SSUH2: variants seen among roughly 807,000 people sequenced by gnomAD.
SSUH2 encodes protein SSUH2 homolog.
A neutral mutation model predicts 55.3 loss-of-function variants in SSUH2; 47 were observed. The observed-to-expected ratio is 0.85, with a 90% CI of 0.67 to 1.08. SSUH2 has a LOEUF of 1.08. SSUH2 is among the 50% of genes least tolerant of loss of function. The probability of loss-of-function intolerance (pLI) is 0.00; values close to 1 mark genes in which losing one functional copy is unlikely to be tolerated. For synonymous variants in SSUH2, 212 were observed against 191.5 expected (o/e 1.11, Z -0.89); for missense variants, 535 against 490.7 (o/e 1.09, Z -0.85).
chr3:8,626,284 C>CG lies in SSUH2; in HGVS notation c.711dup (p.Ala238ArgfsTer25). 5 of 1,614,112 alleles carry CG rather than the reference C, an allele frequency of 3.1e-6. No homozygotes were observed. Among genetic ancestry groups the CG allele is most frequent in the Non-Finnish European group, 4.2e-6 (5 of 1,180,002 alleles). ...AGCTTCTTCTCCCCCTTGCAGGTGG[C>CG]GCAGGTCTTGTTCCCTCTCCCTGAG... On this transcript the variant is annotated frameshift_variant, in exon 9 of 12. Transcript: ENST00000544814. LOFTEE classifies it high-confidence loss of function.
At chr3:8,653,555 A>G (rs1245486728) in intron 7 of SSUH2, among the ~76,000 whole-genome samples, 1 of 152,212 alleles carries the variant, frequency 6.6e-6, no homozygotes, top group Admixed American at 6.5e-5. Flanking sequence ...TACCTTGTTC[A>G]TTTTATTGTT....
chr3:8,668,492 C>CT (rs527328538), intron 5 of SSUH2, among the ~76,000 whole-genome samples: 3 of 152,094 alleles, frequency 2.0e-5, no homozygotes, highest in African/African-American at 4.8e-5. Context: ...CATTATTTCT[C>CT]TTTTTTTTCC....
At chr3:8,634,577 A>G in intron 3 of SSUH2, 1 of 1,289,794 alleles carries the variant, frequency 7.8e-7, no homozygotes, top group African/African-American at 1.5e-5. Flanking sequence ...AGATCCATGG[A>G]TGGCAGCACA....
At chr3:8,667,936 G>A (rs1704138678) in intron 5 of SSUH2, among the ~76,000 whole-genome samples, 2 of 152,062 alleles carry the variant, frequency 1.3e-5, no homozygotes, top group South Asian at 2.1e-4. Context: ...CACCCACGGA[G>A]GGAGCTGGAT....
Position 8,631,774 on chromosome 3 carries a change from C to T in SSUH2, c.400+275G>A, listed in dbSNP as rs115343445. On this transcript the variant is annotated intron_variant, in intron 5 of 11. Coordinates refer to ENST00000544814, the MANE Select transcript of SSUH2 (RefSeq NM_001256748.3). ...TAGACACGCATGCTGCTTTACAGCC[C>T]GGCCCCGTGTGGCAGCACCAGACTG... is the stretch of plus-strand genomic sequence containing the variant. 1.5e-3 allele frequency among the ~76,000 whole-genome samples: 228 copies of T among 152,016 alleles called. 1 individual carries two copies. Among genetic ancestry groups the T allele is most frequent in the African/African-American group, 5.1e-3 (210 of 41,432 alleles).
intron 3 of SSUH2, among the ~76,000 whole-genome samples, chr3:8,672,943 C>A (rs572617015): frequency 1.2e-4 from 18 of 152,164 alleles, no homozygotes; most frequent in African/African-American, 3.9e-4. Flanking sequence ...ATGCTCTCTC[C>A]CTCTCTGGAC....
chr3:8,663,205 G>A (rs997548773), intron 6 of SSUH2, among the ~76,000 whole-genome samples: 4 of 152,196 alleles, frequency 2.6e-5, no homozygotes, highest in African/African-American at 4.8e-5. Flanking sequence ...GCTAAAGTTC[G>A]TGGCACTGAG....
chr3:8,631,635 T>A (rs963594610), intron 5 of SSUH2, among the ~76,000 whole-genome samples: 2 of 151,902 alleles, frequency 1.3e-5, no homozygotes, highest in African/African-American at 4.8e-5. Flanking sequence ...GAGAGAAGCT[T>A]AGGCCTCCAG....
At chr3:8,655,613 A>G (rs1210607068) in intron 7 of SSUH2, among the ~76,000 whole-genome samples, 1 of 152,186 alleles carries the variant, frequency 6.6e-6, no homozygotes, top group Non-Finnish European at 1.5e-5. Flanking sequence ...TATCTATTTC[A>G]TCCCTCTGAA....
At chr3:8,668,425 A>T (rs1368370820) in intron 5 of SSUH2, among the ~76,000 whole-genome samples, 2 of 152,216 alleles carry the variant, frequency 1.3e-5, no homozygotes. Context: ...CTCTTGGATT[A>T]TTGTCTTAAA....
At chr3:8,671,375 C>A (rs1175396501) in intron 4 of SSUH2, among the ~76,000 whole-genome samples, 1 of 152,024 alleles carries the variant, frequency 6.6e-6, no homozygotes, top group Admixed American at 6.6e-5. Flanking sequence ...AGAGTGTACA[C>A]CCTCTGTGAT....
At chr3:8,621,629 G>A (rs1232784935) in intron 11 of SSUH2, among the ~76,000 whole-genome samples, 3 of 152,190 alleles carry the variant, frequency 2.0e-5, no homozygotes, top group Non-Finnish European at 4.4e-5. Context: ...TTCCTCATCT[G>A]TGAAATGGGA....
chr3:8,629,551 G>A, intron 7 of SSUH2, 113 bp downstream of exon 7: 1 of 883,314 alleles, frequency 1.1e-6, no homozygotes, highest in Non-Finnish European at 1.8e-6. Context: ...TGACTTGGCT[G>A]AGATGACACA....
At chr3:8,661,854 G>A (rs1405149885) in intron 6 of SSUH2, among the ~76,000 whole-genome samples, 1 of 152,182 alleles carries the variant, frequency 6.6e-6, no homozygotes, top group African/African-American at 2.4e-5. Context: ...GTTTTGGGAG[G>A]GACCCAGTGG....
chr3:8,677,650 G>T (rs1368272271), intron 2 of SSUH2, among the ~76,000 whole-genome samples: 1 of 150,918 alleles, frequency 6.6e-6, no homozygotes, highest in Non-Finnish European at 1.5e-5. Flanking sequence ...CCCTGGCTGA[G>T]GCCGGTGGCC....
chr3:8,634,097 C>A, intron 3 of SSUH2: 3 of 767,460 alleles, frequency 3.9e-6, no homozygotes, highest in Admixed American at 2.9e-5. Context: ...AGGAATTGTA[C>A]CATTTTATAG....
At chr3:8,661,378 C>G (rs183100661) in intron 6 of SSUH2, among the ~76,000 whole-genome samples, 129 of 152,328 alleles carry the variant, frequency 8.5e-4, no homozygotes, top group African/African-American at 3.0e-3. Context: ...CTCACGTATC[C>G]TTTTCCCTCT....
upstream of SSUH2, among the ~76,000 whole-genome samples, chr3:8,645,662 T>C (rs1396119193): frequency 6.6e-6 from 1 of 152,110 alleles, no homozygotes; most frequent in African/African-American, 2.4e-5. Flanking sequence ...GACTTCCCCA[T>C]CCCAGCAATG....
chr3:8,681,121 C>T (rs768064648), intron 1 of SSUH2, among the ~76,000 whole-genome samples: 2 of 99,182 alleles, frequency 2.0e-5, no homozygotes, highest in African/African-American at 2.9e-5. Flanking sequence ...TTCTGAGAGC[C>T]AGCCCCTCTT....
Sources: gnomAD v4.1 joint callset for allele counts (sites outside exome capture counted in the v4.1 genomes callset) on GRCh38, gnomAD v4.1.1 for gene constraint, MANE v1.5 for transcripts, NCBI Gene and HGNC (gene_info 2026-07-23, HGNC 2026-07-21) for gene names.